The following LYRM1 variants were observed in gnomAD, a reference collection of about 807,000 sequenced individuals.
LYRM1 encodes LYR motif containing 1, also known as LYR motif-containing protein 1.
A neutral mutation model predicts 14.9 loss-of-function variants in LYRM1; 14 were observed. The observed-to-expected ratio is 0.94, with a 90% confidence interval of 0.62 to 1.47. LYRM1 has a LOEUF of 1.47. Among genes scored for constraint, LYRM1 ranks in the 40% most tolerant of loss-of-function variants. LYRM1 has a pLI of 0.00. For missense variants in LYRM1, 153 were observed against 149.9 expected (o/e 1.02, Z -0.11); for synonymous variants, 43 against 56.2 (o/e 0.77, Z 1.05).
intron 3 of LYRM1, chr16:20,920,763 C>T (rs2083145484): frequency 6.5e-6 from 1 of 154,034 alleles, no homozygotes. Context: ...TGACACACTC[C>T]TGTATTCCCA....
intron 2 of LYRM1, among the ~76,000 whole-genome samples, chr16:20,918,753 G>A (rs1416581636): frequency 6.6e-6 from 1 of 152,128 alleles, no homozygotes; most frequent in Non-Finnish European, 1.5e-5. Context: ...GGTATCCCAT[G>A]AACTGCTCTG....
rs529458230 is a variant in LYRM1 at position 20,902,404 on chromosome 16, G to A, written c.-1+1515G>A. 5 of 152,336 alleles carry A rather than the reference G, an allele frequency of 3.3e-5. No homozygotes were observed. In the South Asian group the frequency reaches 1.0e-3, roughly 32 times the overall value. The allele number at this position is 152,336 out of a possible 1,614,324, so 9.4% of individuals were successfully genotyped here. A position where few individuals can be genotyped will look rare whatever the true frequency, so the allele number is the denominator to read the frequency against. ...TTGGAGATAATAAATAAGGAAGGCA[G>A]GGAGGAGCTCCCAGATCACCTAAGA... is the stretch of plus-strand genomic sequence containing the variant. On this transcript the variant is annotated intron_variant, in intron 1 of 3. Coordinates refer to ENST00000567954, the MANE Select transcript of LYRM1 (RefSeq NM_001128302.3).
Position 20,921,940 on chromosome 16 carries a change from G to A in LYRM1, c.252+1726G>A, listed in dbSNP as rs577147223. The A allele has an allele frequency of 6.0e-5, 9 of 151,120 alleles. 1 individual carries two copies. Among genetic ancestry groups the A allele is most frequent in the South Asian group, 4.2e-4 (2 of 4,772 alleles). The allele number at this position is 151,120 out of a possible 1,614,324, so 9.4% of individuals were successfully genotyped here. On this transcript the variant is annotated intron_variant, in intron 3 of 3. Coordinates refer to ENST00000567954, the MANE Select transcript of LYRM1 (RefSeq NM_001128302.3). ...GATTCTGGATATAATGTTATACTGC[G>A]TACTTATTTTACTTCATGTCTTCTG...
intron 1 of LYRM1, among the ~76,000 whole-genome samples, chr16:20,913,689 T>G (rs1349835230): frequency 5.3e-5 from 8 of 152,194 alleles, no homozygotes; most frequent in African/African-American, 1.9e-4. Context: ...AAAAATACAA[T>G]TAGCTTTACA....
At chr16:20,923,256 A>G (rs1236976735) in intron 3 of LYRM1, among the ~76,000 whole-genome samples, 1 of 151,988 alleles carries the variant, frequency 6.6e-6, no homozygotes, top group African/African-American at 2.4e-5. Flanking sequence ...TCCCAGCACT[A>G]TGGGAGGCCA....
chr16:20,904,774 C>G (rs961758319), intron 1 of LYRM1, among the ~76,000 whole-genome samples: 1 of 150,336 alleles, frequency 6.7e-6, no homozygotes, highest in Admixed American at 6.6e-5. Context: ...AGAACAATTT[C>G]ACTTAAAGGT....
chr16:20,909,975 AACAAGAATATTAGG>A (rs2082507575), intron 1 of LYRM1, among the ~76,000 whole-genome samples: 1 of 152,228 alleles, frequency 6.6e-6, no homozygotes, highest in South Asian at 2.1e-4. Flanking sequence ...GTGCTATACA[AACAAGAATATTAGG>A]ACCTGTGAGA....
At chr16:20,917,992 C>T (rs1199775736) in intron 2 of LYRM1, among the ~76,000 whole-genome samples, 2 of 151,942 alleles carry the variant, frequency 1.3e-5, no homozygotes, top group Admixed American at 6.6e-5. Flanking sequence ...TTTAACTGAC[C>T]TCCTCCAGGA....
intron 2 of LYRM1, 56 bp downstream of exon 2, chr16:20,915,770 G>A: frequency 6.4e-7 from 1 of 1,572,266 alleles, no homozygotes; most frequent in Non-Finnish European, 8.7e-7. Flanking sequence ...TATGATATTT[G>A]TTTATTTCTT....
At chr16:20,917,748 ACT>A (rs2082980775) in intron 2 of LYRM1, among the ~76,000 whole-genome samples, 1 of 151,940 alleles carries the variant, frequency 6.6e-6, no homozygotes, top group Admixed American at 6.6e-5. Context: ...ACAGAGGAAG[ACT>A]CTGTCACCAA....
chr16:20,916,866 C>T (rs1202894709), intron 2 of LYRM1, among the ~76,000 whole-genome samples: 1 of 152,180 alleles, frequency 6.6e-6, no homozygotes, highest in Non-Finnish European at 1.5e-5. Flanking sequence ...CAAACCAAGA[C>T]ACATCTGTCA....
intron 1 of LYRM1, among the ~76,000 whole-genome samples, chr16:20,909,828 CATTT>C (rs746630086): frequency 3.3e-5 from 5 of 152,160 alleles, no homozygotes; most frequent in Admixed American, 6.6e-5. Context: ...ATTCAGCAAA[CATTT>C]ATTGAATACT....
chr16:20,902,929 C>T (rs1383050548), intron 1 of LYRM1, among the ~76,000 whole-genome samples: 2 of 152,126 alleles, frequency 1.3e-5, no homozygotes, highest in African/African-American at 4.8e-5. Flanking sequence ...GCTTTTGTCC[C>T]TGCCACTGCT....
intron 1 of LYRM1, among the ~76,000 whole-genome samples, chr16:20,905,090 C>G (rs890035887): frequency 2.6e-5 from 4 of 152,174 alleles, no homozygotes; most frequent in Non-Finnish European, 5.9e-5. Context: ...TCCATTACTA[C>G]CACAAAGCAA....
At chr16:20,904,691 T>TTTGTGTGTGTGTGTGTG (rs148224628) in intron 1 of LYRM1, among the ~76,000 whole-genome samples, 3 of 141,146 alleles carry the variant, frequency 2.1e-5, no homozygotes, top group African/African-American at 8.0e-5. Flanking sequence ...AAGTCTGTGG[T>TTTGTGTGTGTGTGTGTG]TGTGTGTGTG....
chr16:20,909,477 G>A (rs1013482271), intron 1 of LYRM1, among the ~76,000 whole-genome samples: 1 of 152,192 alleles, frequency 6.6e-6, no homozygotes, highest in Non-Finnish European at 1.5e-5. Flanking sequence ...CAGTTGAATT[G>A]TGGTCCTCTA....
At chr16:20,923,124 C>G (rs757404467) in intron 3 of LYRM1, among the ~76,000 whole-genome samples, 2 of 152,168 alleles carry the variant, frequency 1.3e-5, no homozygotes, top group Non-Finnish European at 2.9e-5. Context: ...AAATGCTAAT[C>G]TCATCCAGAA....
At chr16:20,907,294 A>G (rs1191306027) in intron 1 of LYRM1, among the ~76,000 whole-genome samples, 1 of 151,958 alleles carries the variant, frequency 6.6e-6, no homozygotes, top group Non-Finnish European at 1.5e-5. Flanking sequence ...CCTACCCCCA[A>G]CCTGTGCTGG....
At chr16:20,906,626 A>T (rs1567444879) in intron 1 of LYRM1, among the ~76,000 whole-genome samples, 2 of 152,210 alleles carry the variant, frequency 1.3e-5, no homozygotes, top group Admixed American at 6.5e-5. Context: ...AAGCCTCATG[A>T]GAGTCCAGCA....
Sources: gnomAD v4.1 joint callset for allele counts (sites outside exome capture counted in the v4.1 genomes callset) on GRCh38, gnomAD v4.1.1 for gene constraint, MANE v1.5 for transcripts, NCBI Gene and HGNC (gene_info 2026-07-23, HGNC 2026-07-21) for gene names.